Variants in NMT1 observed in about 807,000 individuals in gnomAD.
NMT1 encodes glycylpeptide N-tetradecanoyltransferase 1.
In NMT1, 12 loss-of-function variants were observed where a neutral mutation model predicts 63.4. The observed-to-expected ratio is 0.19, with a 90% CI of 0.12 to 0.31. The LOEUF is 0.31. NMT1 is among the 10% of genes least tolerant of loss of function. The pLI, the probability that NMT1 is intolerant of heterozygous loss-of-function variation, is 1.00. For synonymous variants in NMT1, 228 were observed against 234.3 expected, an observed-to-expected ratio of 0.97 and a Z score of 0.25; for missense variants, 432 against 634.6, an observed-to-expected ratio of 0.68 and a Z score of 3.43.
At chr17:45,090,809 TA>T (rs2054082678) in intron 3 of NMT1, among the ~76,000 whole-genome samples, 1 of 152,106 alleles carries the variant, frequency 6.6e-6, no homozygotes, top group African/African-American at 2.4e-5. Flanking sequence ...CTTAGTCATT[TA>T]TTGGTTCATG....
Position 45,103,005 on chromosome 17 carries a change from C to A in NMT1, c.1048C>A (p.His350Asn). Residue 350 changes from histidine (H) to asparagine (N), a missense_variant, in exon 9 of 12, where the codon CAC (histidine) becomes AAC (asparagine). By Grantham distance (68) the His-to-Asn change is moderately conservative. This residue lies in a region of NMT1 where 295 missense variants were observed against 489.7 expected (regional missense o/e 0.60). Coordinates refer to ENST00000258960, the MANE Select transcript of NMT1 (RefSeq NM_021079.5). The surrounding 1 kb of genome is among the most constrained non-coding windows in gnomAD (Gnocchi z 4.8). ...PMETKDIPVV[H>N]QLLTRYLKQF... Reference sequence around the variant, plus strand: ...GGAAACAAAGGACATTCCAGTAGTGCACCAGCTCCTCACCAGGTACTTGAA... The same window carrying A: ...GGAAACAAAGGACATTCCAGTAGTGAACCAGCTCCTCACCAGGTACTTGAA... 6.2e-7 allele frequency: 1 copy of A among 1,614,072 alleles called. No individual in the cohort carries two copies. The highest frequency in any genetic ancestry group is 8.5e-7 in the Non-Finnish European group (1 of 1,179,950).
intron 1 of NMT1, among the ~76,000 whole-genome samples, chr17:45,063,916 G>C (rs2053884594): frequency 6.6e-6 from 1 of 152,006 alleles, no homozygotes; most frequent in Non-Finnish European, 1.5e-5. Flanking sequence ...GTGGCACACA[G>C]TGGCTCATGC....
intron 1 of NMT1, among the ~76,000 whole-genome samples, chr17:45,071,838 A>G (rs1348621333): frequency 6.6e-6 from 1 of 152,124 alleles, no homozygotes; most frequent in Non-Finnish European, 1.5e-5. Flanking sequence ...GGCTCAAGAG[A>G]TCCTCCCGCC....
At position 45,105,588 on chromosome 17, in the gene NMT1, C is replaced by G; in HGVS notation, c.1471-31C>G. On this transcript the variant is annotated intron_variant, in intron 11 of 11. Transcript: ENST00000258960. The surrounding 1 kb of genome is among the most constrained non-coding windows in gnomAD (Gnocchi z 4.2). The stretch of plus-strand genomic sequence containing the variant: ...GAGAGTCTTTGGGCCACTGTCAACT[C>G]AGCTCTGCCTCTCCCTGTTGGCTTT... 6.2e-7 allele frequency: 1 copy of G among 1,612,954 alleles called. No individual in the cohort carries two copies. The highest frequency in any genetic ancestry group is 1.1e-5 in the South Asian group (1 of 90,892).
Position 45,104,694 on chromosome 17 carries a change from G to A in NMT1, c.1333-165G>A, listed in dbSNP as rs1212014010. 3 of 1,447,776 alleles carry A rather than the reference G, an allele frequency of 2.1e-6. No individual in the cohort carries two copies. Among genetic ancestry groups the A allele is most frequent in the Non-Finnish European group, 2.7e-6 (3 of 1,103,078 alleles). The allele number at this position is 1,447,776 out of a possible 1,614,324, so 89.7% of individuals were successfully genotyped here. ...GGAGGGGGCGCTCAGAGTGTCCTGA[G>A]AACCACCCGGAGAGCGGGGATTAAC... On this transcript the variant is annotated intron_variant, in intron 10 of 11. Coordinates refer to ENST00000258960, the MANE Select transcript of NMT1 (RefSeq NM_021079.5). The surrounding 1 kb of genome is among the most constrained non-coding windows in gnomAD (Gnocchi z 4.2).
intron 2 of NMT1, among the ~76,000 whole-genome samples, chr17:45,086,053 C>T (rs1314826499): frequency 1.3e-5 from 2 of 151,160 alleles, no homozygotes; most frequent in African/African-American, 4.9e-5. Context: ...AACTCCTGAG[C>T]TCAGGCAATC....
intron 3 of NMT1, 81 bp from the exon 4 acceptor site, chr17:45,093,604 G>T (rs1472152673): frequency 1.8e-6 from 2 of 1,099,636 alleles, no homozygotes; most frequent in Non-Finnish European, 2.7e-6. Flanking sequence ...GGAGGAATTT[G>T]CTCTGGTTGA....
chr17:45,080,959 G>A (rs140756501), intron 1 of NMT1, among the ~76,000 whole-genome samples: 1 of 152,034 alleles, frequency 6.6e-6, no homozygotes, highest in African/African-American at 2.4e-5. Flanking sequence ...GTAGAAACAG[G>A]GTTTTGCCAT....
intron 3 of NMT1, among the ~76,000 whole-genome samples, chr17:45,090,486 G>A (rs147125976): frequency 1.3e-5 from 2 of 152,200 alleles, no homozygotes; most frequent in East Asian, 3.9e-4. Context: ...AATGCAGTGT[G>A]GCCACTCTGT....
chr17:45,090,146 T>C (rs1351458318), intron 3 of NMT1, among the ~76,000 whole-genome samples: 1 of 151,370 alleles, frequency 6.6e-6, no homozygotes, highest in African/African-American at 2.4e-5. Flanking sequence ...TAGCCAGACA[T>C]GGTAGCACAT....
chr17:45,086,668 C>G lies in NMT1; in HGVS notation c.385+16C>G, dbSNP rs756029105. On this transcript the variant is annotated intron_variant, in intron 3 of 11. Transcript: ENST00000258960. ...CCCAAGCTGGGTATGTACATGCTTG[C>G]TTTCTTTGCCAGGTCAGGGGCGAGG... The G allele has an allele frequency of 1.9e-6, 3 of 1,594,170 alleles. No homozygotes were observed. Among genetic ancestry groups the G allele is most frequent in the Non-Finnish European group, 2.6e-6 (3 of 1,171,638 alleles).
At chr17:45,102,925 C>T (rs757837877) in intron 8 of NMT1, 26 bp from the exon 9 acceptor site, 2 of 1,593,528 alleles carry the variant, frequency 1.3e-6, no homozygotes, top group Admixed American at 3.4e-5. Flanking sequence ...GCTCATCTCA[C>T]TCCATCTCTT....
rs373458684 is a variant in NMT1, at chr17:45,097,284, C to T, written c.713+40C>T. On this transcript the variant is annotated intron_variant, in intron 6 of 11. Coordinates refer to ENST00000258960, the MANE Select transcript of NMT1 (RefSeq NM_021079.5). ...CTACCCCCACCCCCCACAACACCGC[C>T]ATCCTGCTTGGTCTGGGAGAGAGTA... is the stretch of plus-strand genomic sequence containing the variant. 11 of 1,420,692 alleles carry T rather than the reference C, an allele frequency of 7.7e-6. No individual in the cohort carries two copies. In the African/African-American group the frequency reaches 1.5e-4, roughly 20 times the overall value. The allele number at this position is 1,420,692 out of a possible 1,614,324, so 88.0% of individuals were successfully genotyped here.
chr17:45,103,594 C>A lies in NMT1; in HGVS notation c.1165-115C>A. 1.9e-6 allele frequency: 2 copies of A among 1,062,688 alleles called. No homozygotes were observed. The highest frequency in any genetic ancestry group is 2.7e-6 in the Non-Finnish European group (2 of 727,604). The allele number at this position is 1,062,688 out of a possible 1,614,324, so 65.8% of individuals were successfully genotyped here. ...CCACATGTCCTGTTGCAGTTTCCAG[C>A]CATTTATCTAGAGGGGCAGAGCTGC... On this transcript the variant is annotated intron_variant, in intron 9 of 11. Transcript: ENST00000258960. The surrounding 1 kb of genome is among the most constrained non-coding windows in gnomAD (Gnocchi z 4.8).
chr17:45,072,726 A>T (rs968224651), intron 1 of NMT1, among the ~76,000 whole-genome samples: 2 of 145,214 alleles, frequency 1.4e-5, no homozygotes, highest in African/African-American at 2.6e-5. Context: ...TGCCTGCCTA[A>T]TTTTTTGCGT....
At position 45,105,446 on chromosome 17, in the gene NMT1, C is replaced by T. The variant is rs991534216; in HGVS notation, c.1471-173C>T. ...AGTTTTCCCTGGGAGGTCTGATGGA[C>T]GTGTGAACCCTGGTGTGGAGGTTGA... On this transcript the variant is annotated intron_variant, in intron 11 of 11. Coordinates refer to ENST00000258960, the MANE Select transcript of NMT1 (RefSeq NM_021079.5). The surrounding 1 kb of genome is among the most constrained non-coding windows in gnomAD (Gnocchi z 4.2). 5.9e-5 allele frequency among the ~76,000 whole-genome samples: 9 copies of T among 152,066 alleles called. No homozygotes were observed. The highest frequency in any genetic ancestry group is 9.7e-5 in the African/African-American group (4 of 41,384).
intron 2 of NMT1, among the ~76,000 whole-genome samples, chr17:45,084,978 G>A (rs959409913): frequency 1.3e-5 from 2 of 151,924 alleles, no homozygotes; most frequent in East Asian, 1.9e-4. Context: ...TTTATGCTGG[G>A]TGTGGTGGCC....
intron 1 of NMT1, among the ~76,000 whole-genome samples, chr17:45,070,255 T>G (rs74253609): frequency 1.2e-3 from 179 of 150,854 alleles, no homozygotes; most frequent in East Asian, 0.01. Context: ...GTACCTTTTT[T>G]TGTGTGTGTG....
At position 45,104,158 on chromosome 17, in the gene NMT1, C is replaced by G; in HGVS notation, c.1332+282C>G. On this transcript the variant is annotated intron_variant, in intron 10 of 11. Transcript: ENST00000258960. This position sits in a 1 kb window ranked among gnomAD's most constrained non-coding sequence, Gnocchi z 4.2. The stretch of plus-strand genomic sequence containing the variant: ...AGGAGCCTGAATAGCCAGGCCTTCC[C>G]TGGGAGGACAGGGCTTCTCCTCACA... 7 of 1,329,254 alleles carry G rather than the reference C, an allele frequency of 5.3e-6. No homozygotes were observed. The highest frequency in any genetic ancestry group is 6.8e-6 in the Non-Finnish European group (7 of 1,031,078). The allele number at this position is 1,329,254 out of a possible 1,614,324, so 82.3% of individuals were successfully genotyped here.
Sources: allele counts gnomAD v4.1 joint callset (sites outside exome capture counted in the v4.1 genomes callset), GRCh38; gene constraint gnomAD v4.1.1; regional missense constraint gnomAD v4.1.1; non-coding constraint Gnocchi (gnomAD v3.1); transcripts MANE v1.5; gene names NCBI Gene and HGNC (gene_info 2026-07-23, HGNC 2026-07-21).